SGCD: variants seen among roughly 807,000 people sequenced by gnomAD.
The protein encoded by SGCD is sarcoglycan delta, also known as delta-sarcoglycan.
In SGCD, 18 loss-of-function variants were observed where a neutral mutation model predicts 36.6. The observed-to-expected ratio is 0.49, with a 90% CI of 0.34 to 0.73. SGCD has a LOEUF of 0.73. Among genes scored for constraint, SGCD ranks in the 30% least tolerant of loss-of-function variants. The pLI is 0.01. For missense variants in SGCD, 387 were observed against 346.7 expected, an observed-to-expected ratio of 1.12 and a Z score of -0.92; for synonymous variants, 133 against 130.6, an observed-to-expected ratio of 1.02 and a Z score of -0.12.
chr5:156,427,961 G>A lies in SGCD; in HGVS notation c.193-80640G>A, dbSNP rs1004667903. On this transcript the variant is annotated intron_variant, in intron 3 of 8. Transcript: ENST00000337851. ...AGCTAGTATTTTGTTAAGGATTTTA[G>A]TGTCTGTGTTCATCAGGGATATCAG... Among the ~76,000 whole-genome samples the A allele has an allele frequency of 2.0e-5, 3 of 152,206 alleles. No homozygotes were observed. In the South Asian group the frequency reaches 6.2e-4, roughly 32 times the overall value.
intron 7 of SGCD, among the ~76,000 whole-genome samples, chr5:156,691,206 C>CAAGAAAAA (rs1754095286): frequency 1.6e-5 from 1 of 61,852 alleles, no homozygotes; most frequent in Non-Finnish European, 2.7e-5. Flanking sequence ...GACTCTGTCT[C>CAAGAAAAA]AAAAAAAAAA....
intron 6 of SGCD, among the ~76,000 whole-genome samples, chr5:156,635,599 A>G (rs1036884925): frequency 2.0e-5 from 3 of 152,138 alleles, no homozygotes; most frequent in South Asian, 2.1e-4. Context: ...TGTTTATTGC[A>G]GTACTATTCA....
chr5:156,056,654 A>AAAAAAAAAAAAAAAAAAAAAAAAAAAC (rs1209421786), intron 1 of SGCD, among the ~76,000 whole-genome samples: 1 of 137,914 alleles, frequency 7.3e-6, no homozygotes, highest in African/African-American at 2.8e-5. Context: ...TTAAAAAAAA[A>AAAAAAAAAAAAAAAAAAAAAAAAAAAC]AAAAAAAAAA....
At chr5:156,238,768 A>C (rs976023296) in intron 3 of SGCD, among the ~76,000 whole-genome samples, 3 of 152,150 alleles carry the variant, frequency 2.0e-5, no homozygotes, top group Non-Finnish European at 4.4e-5. Context: ...GCTGGTGCTC[A>C]ACTGTGGTTT....
chr5:156,098,959 G>A (rs993792411), intron 1 of SGCD, among the ~76,000 whole-genome samples: 3 of 152,116 alleles, frequency 2.0e-5, no homozygotes, highest in Non-Finnish European at 4.4e-5. Flanking sequence ...TCCTCTTGCT[G>A]GTTGTGTTGG....
At chr5:156,489,047 A>G (rs888855073) in intron 3 of SGCD, among the ~76,000 whole-genome samples, 1 of 152,130 alleles carries the variant, frequency 6.6e-6, no homozygotes, top group African/African-American at 2.4e-5. Flanking sequence ...TTTCATGCAA[A>G]TGGAAACCAA....
chr5:156,342,700 A>T (rs564986133), intron 2 of SGCD, among the ~76,000 whole-genome samples: 2 of 152,338 alleles, frequency 1.3e-5, no homozygotes, highest in African/African-American at 4.8e-5. Flanking sequence ...TTACACCACA[A>T]ATCTCACTGC....
intron 3 of SGCD, among the ~76,000 whole-genome samples, chr5:156,349,014 A>G (rs1466643135): frequency 1.3e-5 from 2 of 152,076 alleles, no homozygotes; most frequent in Non-Finnish European, 2.9e-5. Flanking sequence ...GGACACTCTA[A>G]TAAGTGATGC....
chr5:156,646,373 T>C (rs1763225000), intron 6 of SGCD, among the ~76,000 whole-genome samples: 1 of 152,142 alleles, frequency 6.6e-6, no homozygotes. Context: ...AATACTCCCA[T>C]AGAAGCATCA....
chr5:156,138,440 AT>A (rs1206912168), intron 3 of SGCD, among the ~76,000 whole-genome samples: 1 of 152,072 alleles, frequency 6.6e-6, no homozygotes, highest in East Asian at 1.9e-4. Flanking sequence ...CTTCACATAC[AT>A]GGTCTTATGG....
intron 7 of SGCD, among the ~76,000 whole-genome samples, chr5:156,750,626 A>G (rs1757114549): frequency 6.6e-6 from 1 of 151,922 alleles, no homozygotes; most frequent in Admixed American, 6.6e-5. Context: ...AGCCTGGGCA[A>G]CAAGAGTGAA....
At chr5:156,423,731 C>G (rs1430042394) in intron 3 of SGCD, among the ~76,000 whole-genome samples, 15 of 151,814 alleles carry the variant, frequency 9.9e-5, no homozygotes, top group Non-Finnish European at 1.8e-4. Context: ...ATCTTCTAAT[C>G]AATTCCTGGG....
the SGCD span, among the ~76,000 whole-genome samples, chr5:155,778,065 ACTT>A: frequency 2.6e-5 from 4 of 152,162 alleles, no homozygotes; most frequent in African/African-American, 9.7e-5. Flanking sequence ...TTTTGCATGT[ACTT>A]CTTGGCATTT....
intron 3 of SGCD, among the ~76,000 whole-genome samples, chr5:156,143,373 A>T (rs1215726997): frequency 6.6e-6 from 1 of 152,212 alleles, no homozygotes; most frequent in Non-Finnish European, 1.5e-5. Context: ...GCAGAGGAGA[A>T]ATGTGAGACT....
At chr5:156,376,895 A>T (rs1770699534) in intron 3 of SGCD, among the ~76,000 whole-genome samples, 1 of 152,138 alleles carries the variant, frequency 6.6e-6, no homozygotes, top group Non-Finnish European at 1.5e-5. Context: ...GAAAACAGGA[A>T]GTTTGTGTCT....
intron 3 of SGCD, among the ~76,000 whole-genome samples, chr5:156,373,791 C>T (rs1385352794): frequency 6.6e-6 from 1 of 152,176 alleles, no homozygotes; most frequent in African/African-American, 2.4e-5. Flanking sequence ...CTGTTGCTAG[C>T]TCAGGCCAAG....
intron 3 of SGCD, among the ~76,000 whole-genome samples, chr5:156,470,425 G>T (rs910136625): frequency 3.3e-5 from 5 of 151,882 alleles, no homozygotes; most frequent in Non-Finnish European, 7.4e-5. Context: ...CATGTGCCAT[G>T]CCGGTGTGCT....
chr5:156,311,606 A>T (rs749185410), intron 3 of SGCD, among the ~76,000 whole-genome samples: 1 of 152,188 alleles, frequency 6.6e-6, no homozygotes, highest in Non-Finnish European at 1.5e-5. Flanking sequence ...TTAGGGATCT[A>T]CACAGAGGAG....
intron 3 of SGCD, among the ~76,000 whole-genome samples, chr5:156,321,184 C>A (rs890913052): frequency 2.6e-5 from 4 of 152,140 alleles, no homozygotes; most frequent in Non-Finnish European, 2.9e-5. Flanking sequence ...CTTTGGGAGA[C>A]CAAGGTGGGT....
Sources: allele counts gnomAD v4.1 joint callset (sites outside exome capture counted in the v4.1 genomes callset), GRCh38; gene constraint gnomAD v4.1.1; transcripts MANE v1.5; gene names NCBI Gene and HGNC (gene_info 2026-07-23, HGNC 2026-07-21).